Variants in SRGAP3 observed in about 807,000 individuals in gnomAD.
SRGAP3 encodes the protein SLIT-ROBO Rho GTPase activating protein 3, also known as SLIT-ROBO Rho GTPase-activating protein 3.
In SRGAP3, 39 loss-of-function variants were observed where a neutral mutation model predicts 121.1. That is an observed-to-expected ratio of 0.32 (90% CI 0.25 to 0.42). SRGAP3 has a LOEUF of 0.42. Ranked by LOEUF, SRGAP3 falls within the 10% of genes least tolerant of loss-of-function variation. The pLI, the probability that SRGAP3 is intolerant of heterozygous loss-of-function variation, is 1.00. For synonymous variants in SRGAP3, 601 were observed against 570.0 expected, an observed-to-expected ratio of 1.05 and a Z score of -0.77; for missense variants, 1,213 against 1,470.6, an observed-to-expected ratio of 0.82 and a Z score of 2.86.
intron 1 of SRGAP3, among the ~76,000 whole-genome samples, chr3:9,185,077 A>G (rs189831539): frequency 4.6e-4 from 70 of 152,310 alleles, no homozygotes; most frequent in African/African-American, 1.6e-3. Flanking sequence ...ATAAAAAATT[A>G]GGGTCTTCCC....
chr3:9,142,316 G>A (rs1466544202), intron 1 of SRGAP3, among the ~76,000 whole-genome samples: 3 of 152,038 alleles, frequency 2.0e-5, no homozygotes, highest in Admixed American at 2.0e-4. Context: ...AAAAAATCTT[G>A]CTCACACATT....
intron 1 of SRGAP3, chr3:9,348,911 A>G (rs1366840809): frequency 2.5e-5 from 25 of 1,014,750 alleles, no homozygotes; most frequent in Non-Finnish European, 3.9e-5. Flanking sequence ...TCTGAAGGAC[A>G]CTATTGCCAA....
chr3:8,994,509 C>T lies in SRGAP3; in HGVS notation c.2242G>A (p.Glu748Lys), dbSNP rs771899704. The T allele has an allele frequency of 3.7e-6, 6 of 1,613,766 alleles. No individual in the cohort carries two copies. Among genetic ancestry groups the T allele is most frequent in the Non-Finnish European group, 4.2e-6 (5 of 1,179,980 alleles). The change falls in exon 19 of 22, where the codon GAG becomes AAG. Residue 748 changes from glutamate to lysine, a missense_variant. Transcript: ENST00000383836. ...HTSDEEVEQIEAIAKFDYMGR... is the reference protein window; with the variant it reads ...HTSDEEVEQIKAIAKFDYMGR... ...ATGTAGTCAAACTTGGCAATAGCCT[C>T]GATCTGCTCCACTTCTGGAAGGAAA...
intron 1 of SRGAP3, among the ~76,000 whole-genome samples, chr3:9,248,159 C>T (rs532819448): frequency 5.3e-5 from 8 of 152,346 alleles, no homozygotes; most frequent in African/African-American, 1.9e-4. Flanking sequence ...CTGACCAGCC[C>T]AAACGGCATG....
At chr3:9,108,351 G>A (rs1185992269) in intron 2 of SRGAP3, among the ~76,000 whole-genome samples, 2 of 152,228 alleles carry the variant, frequency 1.3e-5, no homozygotes, top group East Asian at 1.9e-4. Context: ...GGGTGCAGTG[G>A]CTCGTGCCTG....
At chr3:8,988,928 ACCT>A (rs950700295) in intron 21 of SRGAP3, among the ~76,000 whole-genome samples, 50 of 152,140 alleles carry the variant, frequency 3.3e-4, no homozygotes, top group Middle Eastern at 3.4e-3. Context: ...CCCGCTGCTC[ACCT>A]CCTACTGTGC....
intron 1 of SRGAP3, among the ~76,000 whole-genome samples, chr3:9,356,951 T>C (rs2030548528): frequency 6.8e-6 from 1 of 148,062 alleles, no homozygotes; most frequent in Non-Finnish European, 1.5e-5. Flanking sequence ...TATTTGTAAT[T>C]TGTATTTTTT....
intron 3 of SRGAP3, among the ~76,000 whole-genome samples, chr3:9,086,964 T>A (rs1947525873): frequency 6.6e-6 from 1 of 150,490 alleles, no homozygotes. Flanking sequence ...TGGGGTAGAG[T>A]CAAGAACACA....
At position 9,029,577 on chromosome 3, in the gene SRGAP3, A is replaced by G. The variant is rs199946312; in HGVS notation, c.1540-2582T>C. Among the ~76,000 whole-genome samples, 9 of 152,336 alleles carry G rather than the reference A, an allele frequency of 5.9e-5. No individual in the cohort carries two copies. In the East Asian group the frequency reaches 9.6e-4, roughly 16 times the overall value. On this transcript the variant is annotated intron_variant, in intron 12 of 21. Transcript: ENST00000383836. ...CCAGTGATGTTATTTTATTAAAAAA[A>G]CTTTTCACAGGTGTGGTTTTTCAAA... is the stretch of plus-strand genomic sequence containing the variant.
intron 4 of SRGAP3, among the ~76,000 whole-genome samples, chr3:9,073,294 C>T (rs185419567): frequency 1.3e-5 from 2 of 152,264 alleles, no homozygotes; most frequent in South Asian, 2.1e-4. Context: ...TAGGTACCCG[C>T]TAACATGCCT....
chr3:9,165,585 C>T (rs1313813951), intron 1 of SRGAP3, among the ~76,000 whole-genome samples: 1 of 152,238 alleles, frequency 6.6e-6, no homozygotes. Context: ...TAAAACCCAT[C>T]TGTGAATTCT....
intron 1 of SRGAP3, among the ~76,000 whole-genome samples, chr3:9,167,552 G>A (rs567803945): frequency 6.6e-6 from 1 of 152,270 alleles, no homozygotes; most frequent in East Asian, 1.9e-4. Context: ...TGAATTCCCT[G>A]CTGTCAACGC....
intron 15 of SRGAP3, chr3:9,014,246 G>A (rs1943522624): frequency 3.4e-6 from 1 of 289,956 alleles, no homozygotes; most frequent in Non-Finnish European, 6.8e-6. Flanking sequence ...AGTCCAGCTG[G>A]ACCTAAGTTT....
At chr3:9,334,239 C>T (rs531738705) in intron 1 of SRGAP3, among the ~76,000 whole-genome samples, 17 of 152,060 alleles carry the variant, frequency 1.1e-4, no homozygotes, top group Admixed American at 8.5e-4. Context: ...TGTGATTGAA[C>T]GTATCTTGCA....
At chr3:9,216,305 G>C (rs1952623284) in intron 1 of SRGAP3, among the ~76,000 whole-genome samples, 1 of 152,166 alleles carries the variant, frequency 6.6e-6, no homozygotes, top group Non-Finnish European at 1.5e-5. Flanking sequence ...ATGGGCATAC[G>C]TTTTAAGTCA....
chr3:9,249,742 A>C (rs1166360005), upstream of SRGAP3: 2 of 222,128 alleles, frequency 9.0e-6, no homozygotes, highest in African/African-American at 4.5e-5. Context: ...TGTAGCCTAC[A>C]GGAGAGCAGA....
At chr3:9,135,141 G>C (rs1251223894) in intron 1 of SRGAP3, among the ~76,000 whole-genome samples, 1 of 152,144 alleles carries the variant, frequency 6.6e-6, no homozygotes, top group African/African-American at 2.4e-5. Context: ...CACATTTCAC[G>C]TGTTAAACCA....
intron 3 of SRGAP3, among the ~76,000 whole-genome samples, chr3:9,089,292 C>CAG (rs1454606493): frequency 4.8e-4 from 4 of 8,334 alleles, no homozygotes; most frequent in Non-Finnish European, 2.1e-3. Flanking sequence ...GTGGGGTGGG[C>CAG]GGGGGGGGGG....
chr3:9,330,987 A>T (rs191446970), intron 1 of SRGAP3, among the ~76,000 whole-genome samples: 69 of 152,358 alleles, frequency 4.5e-4, no homozygotes, highest in Non-Finnish European at 7.5e-4. Flanking sequence ...ATAGAAGTAC[A>T]GAGTCCTTCT....
Sources: gnomAD v4.1 joint callset for allele counts (sites outside exome capture counted in the v4.1 genomes callset) on GRCh38, gnomAD v4.1.1 for gene constraint, MANE v1.5 for transcripts, NCBI Gene and HGNC (gene_info 2026-07-23, HGNC 2026-07-21) for gene names.